The following AGAP1 variants were observed in gnomAD, a reference collection of about 807,000 sequenced individuals.
AGAP1 encodes ArfGAP with GTPase domain, ankyrin repeat and PH domain 1.
Under a neutral mutation model 105.3 loss-of-function variants are expected in AGAP1, and 29 were observed. That is an observed-to-expected ratio of 0.28 (90% CI 0.21 to 0.38). The LOEUF is 0.38. AGAP1 is among the 10% of genes least tolerant of loss of function. AGAP1 has a pLI of 1.00. For synonymous variants in AGAP1, 509 were observed against 485.9 expected, an observed-to-expected ratio of 1.05 and a Z score of -0.63; for missense variants, 998 against 1,165.1, an observed-to-expected ratio of 0.86 and a Z score of 2.09.
In AGAP1 at chr2:235,657,046, C is replaced by G. The variant is rs74444327; in HGVS notation, c.164-52133C>G. On this transcript the variant is annotated intron_variant, in intron 1 of 17. Transcript: ENST00000304032. ...AGAGTCTAGATAAGCTGACCCAGCT[C>G]TCATGCATGTGCTGTTAACTTTCCT... 1.5e-3 allele frequency among the ~76,000 whole-genome samples: 226 copies of G among 152,296 alleles called. 4 individuals carry two copies. The East Asian group carries it at 0.021, about 14-fold the overall frequency.
intron 9 of AGAP1, among the ~76,000 whole-genome samples, chr2:235,829,247 G>GGA (rs879314409): frequency 1.1e-4 from 17 of 151,920 alleles, no homozygotes; most frequent in African/African-American, 1.9e-4. Context: ...TTCGTTTTCT[G>GGA]GAGAGAGAGA....
At chr2:235,497,320 G>A (rs1026973032) in intron 1 of AGAP1, among the ~76,000 whole-genome samples, 1 of 152,194 alleles carries the variant, frequency 6.6e-6, no homozygotes, top group African/African-American at 2.4e-5. Context: ...CTAAGCCTGC[G>A]CTGGAACATC....
intron 1 of AGAP1, among the ~76,000 whole-genome samples, chr2:235,627,845 G>A (rs561388444): frequency 6.6e-6 from 1 of 152,264 alleles, no homozygotes; most frequent in Admixed American, 6.5e-5. Flanking sequence ...TTGAGTTCTG[G>A]CCAAACAGAG....
At position 235,720,729 on chromosome 2, in the gene AGAP1, T is replaced by C. The variant is rs1951339735; in HGVS notation, c.310+3085T>C. Reference sequence around the variant, plus strand: ...TTAATTAGTGCGTGAGTATCCTTTATGTCATAATCCTGACCCGTGGCTGGG... The same window carrying C: ...TTAATTAGTGCGTGAGTATCCTTTACGTCATAATCCTGACCCGTGGCTGGG... On this transcript the variant is annotated intron_variant, in intron 3 of 17. Transcript: ENST00000304032. The surrounding 1 kb of genome is among the most constrained non-coding windows in gnomAD (Gnocchi z 5.0). 5 of 984,716 alleles carry C rather than the reference T, an allele frequency of 5.1e-6. No homozygotes were observed. Among genetic ancestry groups the C allele is most frequent in the South Asian group, 4.7e-5 (1 of 21,270 alleles). 61.0% of individuals were successfully genotyped at this position (984,716 alleles called of 1,614,324 possible). A position where few individuals can be genotyped will look rare whatever the true frequency, so the allele number is the denominator to read the frequency against.
rs1235435657 is a variant in AGAP1 at position 235,964,021 on chromosome 2, A to G, written c.1484-4441A>G. On this transcript the variant is annotated intron_variant, in intron 12 of 17. Transcript: ENST00000304032. This position sits in a 1 kb window ranked among gnomAD's most constrained non-coding sequence, Gnocchi z 4.6. Reference sequence around the variant, plus strand: ...CCTACTGTAGGCTCAGCATTGCACAAGTCACCACAGGGGAGGCGAGCACTG... The same window carrying G: ...CCTACTGTAGGCTCAGCATTGCACAGGTCACCACAGGGGAGGCGAGCACTG... Among the ~76,000 whole-genome samples, 3 of 152,222 alleles carry G rather than the reference A, an allele frequency of 2.0e-5. No individual in the cohort carries two copies. The highest frequency in any genetic ancestry group is 7.2e-5 in the African/African-American group (3 of 41,452).
Position 236,120,584 on chromosome 2 carries a change from CTGAT to C in AGAP1, c.2370+141_2370+144del, listed in dbSNP as rs756221122. The C allele has an allele frequency of 2.5e-5, 37 of 1,459,446 alleles. No homozygotes were observed. Among genetic ancestry groups the C allele is most frequent in the East Asian group, 4.8e-5 (2 of 41,334 alleles). The allele number at this position is 1,459,446 out of a possible 1,614,324, so 90.4% of individuals were successfully genotyped here. On this transcript the variant is annotated intron_variant, in intron 17 of 17. Transcript: ENST00000304032. The surrounding 1 kb of genome is among the most constrained non-coding windows in gnomAD (Gnocchi z 6.0). ...TGGAAACAGTTCCTAATGGGAAACT[CTGAT>C]TGAAGAGCAGAGGGCCTTACGGAGA...
rs1243464001 is a variant in AGAP1 at position 235,967,866 on chromosome 2, A to G, written c.1484-596A>G. Among the ~76,000 whole-genome samples the G allele has an allele frequency of 6.6e-6, 1 of 152,226 alleles. No individual in the cohort carries two copies. Among genetic ancestry groups the G allele is most frequent in the Non-Finnish European group, 1.5e-5 (1 of 68,044 alleles). ...TGTTCTAAGTAGCTTCAATGAATCA[A>G]AAATTGGCAGGCCTACTATATCGAC... On this transcript the variant is annotated intron_variant, in intron 12 of 17. Coordinates refer to ENST00000304032, the MANE Select transcript of AGAP1 (RefSeq NM_001037131.3). This position sits in a 1 kb window ranked among gnomAD's most constrained non-coding sequence, Gnocchi z 4.7.
In AGAP1 at chr2:235,609,090, A is replaced by C. The variant is rs1946043824; in HGVS notation, c.164-100089A>C. Among the ~76,000 whole-genome samples, 1 of 152,156 alleles carries C rather than the reference A, an allele frequency of 6.6e-6. No homozygotes were observed. Among genetic ancestry groups the C allele is most frequent in the South Asian group, 2.1e-4 (1 of 4,832 alleles). ...GCACAGAGCTTTGTCATTGGGAAGG[A>C]TGCTTATCACAGGGGGCTGATGAAT... is the stretch of plus-strand genomic sequence containing the variant. On this transcript the variant is annotated intron_variant, in intron 1 of 17. Transcript: ENST00000304032. The surrounding 1 kb of genome is among the most constrained non-coding windows in gnomAD (Gnocchi z 5.1).
chr2:235,972,511 G>A (rs1161117488), intron 13 of AGAP1, among the ~76,000 whole-genome samples: 1 of 152,114 alleles, frequency 6.6e-6, no homozygotes, highest in Non-Finnish European at 1.5e-5. Context: ...GGGGTGTAAC[G>A]GGGTGAGGAG....
chr2:235,699,499 T>A (rs1950155726), intron 1 of AGAP1, among the ~76,000 whole-genome samples: 3 of 152,138 alleles, frequency 2.0e-5, no homozygotes, highest in Admixed American at 2.0e-4. Context: ...ACGGGTTAAA[T>A]GGGATCCTGG....
At position 235,752,185 on chromosome 2, in the gene AGAP1, T is replaced by G. The variant is rs567320682; in HGVS notation, c.673+1697T>G. ...GCCTGTTTTCATAAATAGACTTTTC[T>G]TCTTTTTTTTGGAGACAGAGTCTAG... On this transcript the variant is annotated intron_variant, in intron 6 of 17. Coordinates refer to ENST00000304032, the MANE Select transcript of AGAP1 (RefSeq NM_001037131.3). This position sits in a 1 kb window ranked among gnomAD's most constrained non-coding sequence, Gnocchi z 4.3. Among the ~76,000 whole-genome samples, 6 of 152,304 alleles carry G rather than the reference T, an allele frequency of 3.9e-5. No individual in the cohort carries two copies. Among genetic ancestry groups the G allele is most frequent in the African/African-American group, 1.4e-4 (6 of 41,562 alleles).
intron 9 of AGAP1, among the ~76,000 whole-genome samples, chr2:235,859,362 T>C (rs1575631085): frequency 1.5e-5 from 2 of 134,222 alleles, no homozygotes; most frequent in African/African-American, 2.7e-5. Flanking sequence ...AGAACCCCCA[T>C]CCTGAAATCT....
chr2:235,511,643 A>G (rs1223685297), intron 1 of AGAP1, among the ~76,000 whole-genome samples: 1 of 151,884 alleles, frequency 6.6e-6, no homozygotes, highest in East Asian at 1.9e-4. Flanking sequence ...CCAAGAGAAA[A>G]TCTCCTGGAA....
Position 235,739,122 on chromosome 2 carries a change from G to C in AGAP1, c.311-1841G>C, listed in dbSNP as rs772852352. The stretch of plus-strand genomic sequence containing the variant: ...TGTGTCAACTTATTACTCCTCGCCT[G>C]CTAGGACATCATCCCCTTTGCATCT... On this transcript the variant is annotated intron_variant, in intron 3 of 17. Transcript: ENST00000304032. This position sits in a 1 kb window ranked among gnomAD's most constrained non-coding sequence, Gnocchi z 5.3. Among the ~76,000 whole-genome samples, 3 of 152,192 alleles carry C rather than the reference G, an allele frequency of 2.0e-5. No homozygotes were observed. The highest frequency in any genetic ancestry group is 2.9e-5 in the Non-Finnish European group (2 of 68,042).
At chr2:235,511,579 T>A (rs1312163354) in intron 1 of AGAP1, among the ~76,000 whole-genome samples, 1 of 152,130 alleles carries the variant, frequency 6.6e-6, no homozygotes, top group Non-Finnish European at 1.5e-5. Flanking sequence ...CTAACGAACT[T>A]CTTTGATTAT....
intron 1 of AGAP1, among the ~76,000 whole-genome samples, chr2:235,629,413 G>T (rs928175629): frequency 1.3e-5 from 2 of 151,974 alleles, no homozygotes; most frequent in African/African-American, 4.8e-5. Flanking sequence ...TGGGGAGCAA[G>T]GAGGAAAGTG....
At chr2:236,031,964 G>A (rs767808034) in intron 13 of AGAP1, among the ~76,000 whole-genome samples, 1 of 152,162 alleles carries the variant, frequency 6.6e-6, no homozygotes, top group African/African-American at 2.4e-5. Flanking sequence ...GCCGTTCACT[G>A]CAGTCCTTCA....
chr2:235,585,058 C>T (rs1945061588), intron 1 of AGAP1, among the ~76,000 whole-genome samples: 1 of 152,050 alleles, frequency 6.6e-6, no homozygotes, highest in African/African-American at 2.4e-5. Context: ...TTGTGGATAT[C>T]TTGTAGCTCT....
chr2:235,868,790 G>C (rs2049303830), intron 9 of AGAP1, among the ~76,000 whole-genome samples: 1 of 152,216 alleles, frequency 6.6e-6, no homozygotes, highest in African/African-American at 2.4e-5. Flanking sequence ...CATTAACTTT[G>C]TAAGTTATTT....
Sources: gnomAD v4.1 joint callset for allele counts (sites outside exome capture counted in the v4.1 genomes callset) on GRCh38, gnomAD v4.1.1 for gene constraint, Gnocchi (gnomAD v3.1) non-coding constraint, MANE v1.5 for transcripts, NCBI Gene and HGNC (gene_info 2026-07-23, HGNC 2026-07-21) for gene names.